Variants in IGSF5 observed in about 807,000 individuals in gnomAD.
The protein encoded by IGSF5 is immunoglobulin superfamily 5 like.
A neutral mutation model predicts 39.4 loss-of-function variants in IGSF5; 41 were observed. The observed-to-expected ratio is 1.04, with a 90% CI of 0.81 to 1.35. The LOEUF (loss-of-function observed/expected upper bound fraction) is 1.35, where lower values mean the gene tolerates loss of function less well. IGSF5 is among the 40% of genes most tolerant of loss of function. The pLI is 0.00. For missense variants in IGSF5, 487 were observed against 494.6 expected (o/e 0.98, Z 0.15); for synonymous variants, 183 against 175.3 (o/e 1.04, Z -0.34).
chr21:39,715,915 C>A, the IGSF5 span, among the ~76,000 whole-genome samples: 2 of 152,112 alleles, frequency 1.3e-5, no homozygotes, highest in African/African-American at 4.8e-5. Context: ...GGGGAGGGAA[C>A]CAACCCGGGG....
chr21:39,731,319 C>G, the IGSF5 span, among the ~76,000 whole-genome samples: 3 of 152,180 alleles, frequency 2.0e-5, no homozygotes, highest in Non-Finnish European at 4.4e-5. Flanking sequence ...TCTAAGTCCC[C>G]TCTCCCTGAA....
intron 7 of IGSF5, among the ~76,000 whole-genome samples, chr21:39,792,572 C>T (rs1448471525): frequency 6.6e-6 from 1 of 151,984 alleles, no homozygotes; most frequent in African/African-American, 2.4e-5. Flanking sequence ...TTGTTTAAAG[C>T]CCTCTACATT....
At chr21:39,716,841 T>C in the IGSF5 span, among the ~76,000 whole-genome samples, 1 of 152,250 alleles carries the variant, frequency 6.6e-6, no homozygotes, top group African/African-American at 2.4e-5. Flanking sequence ...CAGAATTATT[T>C]ATATTCCTCT....
chr21:39,790,772 T>C (rs455830), intron 6 of IGSF5, among the ~76,000 whole-genome samples: 121,116 of 152,134 alleles, frequency 0.8, 48,352 homozygotes, highest in Admixed American at 0.84. Context: ...TACAGCTGAT[T>C]CTCTTTATCT....
the IGSF5 span, among the ~76,000 whole-genome samples, chr21:39,732,093 C>T: frequency 6.6e-6 from 1 of 152,140 alleles, no homozygotes; most frequent in Non-Finnish European, 1.5e-5. Context: ...TAGTCAATGG[C>T]CAGGACTGAC....
intron 6 of IGSF5, among the ~76,000 whole-genome samples, chr21:39,790,083 C>A (rs771832867): frequency 6.6e-6 from 1 of 152,138 alleles, no homozygotes; most frequent in African/African-American, 2.4e-5. Flanking sequence ...CCCTAGACCC[C>A]GGTCAAATTG....
At chr21:39,736,523 C>T in the IGSF5 span, among the ~76,000 whole-genome samples, 4 of 152,032 alleles carry the variant, frequency 2.6e-5, no homozygotes, top group East Asian at 3.9e-4. Context: ...AAAACCTGCA[C>T]GTTGTGAACA....
intron 4 of IGSF5, among the ~76,000 whole-genome samples, chr21:39,774,975 C>G (rs1383201463): frequency 6.6e-6 from 1 of 152,172 alleles, no homozygotes; most frequent in Non-Finnish European, 1.5e-5. Context: ...TCTCTCCCGG[C>G]TGTGGATCAG....
At chr21:39,771,780 T>G (rs1221710723) in intron 4 of IGSF5, among the ~76,000 whole-genome samples, 1 of 152,244 alleles carries the variant, frequency 6.6e-6, no homozygotes, top group Non-Finnish European at 1.5e-5. Flanking sequence ...GGGTTTTTGG[T>G]GTACCAGACA....
chr21:39,748,503 G>T (rs992302885), intron 2 of IGSF5, among the ~76,000 whole-genome samples: 6 of 151,728 alleles, frequency 4.0e-5, no homozygotes, highest in South Asian at 2.1e-4. Flanking sequence ...TAGAGACAGG[G>T]TTTCACCATA....
At chr21:39,742,373 G>A (rs1018153812), upstream of IGSF5, among the ~76,000 whole-genome samples, 2 of 152,208 alleles carry the variant, frequency 1.3e-5, no homozygotes, top group Non-Finnish European at 2.9e-5. Context: ...CAGATCTGGA[G>A]GACAGTTGTC....
chr21:39,734,894 T>C, the IGSF5 span, among the ~76,000 whole-genome samples: 1 of 152,228 alleles, frequency 6.6e-6, no homozygotes, highest in Non-Finnish European at 1.5e-5. Context: ...GATATAGTCT[T>C]GCTCTGTCAC....
chr21:39,793,589 C>T lies in IGSF5; in HGVS notation c.1104C>T (p.Asn368=). 1.2e-6 allele frequency: 2 copies of T among 1,613,986 alleles called. No individual in the cohort carries two copies. The highest frequency in any genetic ancestry group is 1.6e-4 in the Middle Eastern group (1 of 6,062). The part of the protein sequence containing the change: ...SCESSDPEQR[N]SSCGPPHQRA... ...AATCCAGTGATCCTGAACAAAGAAACAGTAGCTGTGGCCCTCCTCACCAGG... is the reference window on the plus strand; with the variant it reads ...AATCCAGTGATCCTGAACAAAGAAATAGTAGCTGTGGCCCTCCTCACCAGG... The change falls in exon 8 of 9, where the codon AAC becomes AAT. Residue 368 remains asparagine (N), a synonymous_variant. Coordinates refer to ENST00000380588, the MANE Select transcript of IGSF5 (RefSeq NM_001080444.2).
intron 5 of IGSF5, among the ~76,000 whole-genome samples, chr21:39,784,194 C>A (rs907251214): frequency 1.3e-5 from 2 of 152,152 alleles, no homozygotes; most frequent in African/African-American, 4.8e-5. Flanking sequence ...ATTCCATATG[C>A]CCCAGATGGG....
intron 8 of IGSF5, among the ~76,000 whole-genome samples, chr21:39,797,031 C>T (rs2086999684): frequency 1.3e-5 from 2 of 152,188 alleles, no homozygotes. Flanking sequence ...TCTGTTAACA[C>T]TCGGCAATTT....
chr21:39,734,945 C>A, the IGSF5 span, among the ~76,000 whole-genome samples: 1 of 152,020 alleles, frequency 6.6e-6, no homozygotes, highest in East Asian at 1.9e-4. Context: ...CTCACTGTAA[C>A]CTCTGCCTTC....
At chr21:39,788,669 C>A (rs933174217) in intron 6 of IGSF5, among the ~76,000 whole-genome samples, 1 of 152,184 alleles carries the variant, frequency 6.6e-6, no homozygotes, top group African/African-American at 2.4e-5. Context: ...CCGTGGGGAG[C>A]GGACAGGACG....
chr21:39,784,268 G>A (rs765949129), intron 5 of IGSF5, among the ~76,000 whole-genome samples: 75 of 152,184 alleles, frequency 4.9e-4, no homozygotes, highest in Admixed American at 7.9e-4. Context: ...TTTTAATAGA[G>A]ATGTGACTAC....
At chr21:39,724,791 G>A in the IGSF5 span, among the ~76,000 whole-genome samples, 2 of 152,222 alleles carry the variant, frequency 1.3e-5, no homozygotes, top group Admixed American at 6.5e-5. Context: ...GCTGGGCAGG[G>A]AGAGGATATT....
Sources: allele counts gnomAD v4.1 joint callset (sites outside exome capture counted in the v4.1 genomes callset), GRCh38; gene constraint gnomAD v4.1.1; transcripts MANE v1.5; gene names NCBI Gene and HGNC (gene_info 2026-07-23, HGNC 2026-07-21).